Variants in ERCC1 observed in about 807,000 individuals in gnomAD.
ERCC1 encodes DNA excision repair protein ERCC-1.
ERCC1 carries 36 observed loss-of-function variants against 37.6 expected under a neutral mutation model. That is an observed-to-expected ratio of 0.96 (90% confidence interval 0.73 to 1.26). ERCC1 has a LOEUF of 1.26. ERCC1 is among the 50% of genes most tolerant of loss of function. The pLI, the probability that ERCC1 is intolerant of heterozygous loss-of-function variation, is 0.00. For missense variants in ERCC1, 349 were observed against 376.5 expected (o/e 0.93, Z 0.60); for synonymous variants, 156 against 162.1 (o/e 0.96, Z 0.28).
Position 45,408,052 on chromosome 19 carries a change from A to G in ERCC1, c.*1623T>C. ...CTAGGCAACAGAGCAAGACTCTCTC[A>G]AAAAAAAACAAAAAAAAAATCAAAA... is the stretch of plus-strand genomic sequence containing the variant. On this transcript the variant is annotated 3_prime_UTR_variant, in exon 10 of 10. Transcript: ENST00000300853. 7 of 1,365,458 alleles carry G rather than the reference A, an allele frequency of 5.1e-6. No homozygotes were observed. The highest frequency in any genetic ancestry group is 6.6e-6 in the Non-Finnish European group (7 of 1,060,274). 84.6% of individuals were successfully genotyped at this position (1,365,458 alleles called of 1,614,324 possible).
chr19:45,421,159 T>G lies in ERCC1; in HGVS notation c.321+19A>C. On this transcript the variant is annotated intron_variant, in intron 3 of 9. Coordinates refer to ENST00000300853, the MANE Select transcript of ERCC1 (RefSeq NM_001983.4). ...CCACTGAAAACCTCAAGGCCTCACTTCTCCGTCTCCCTCCTCACCTGCCGA... is the reference window on the plus strand; with the variant it reads ...CCACTGAAAACCTCAAGGCCTCACTGCTCCGTCTCCCTCCTCACCTGCCGA... The G allele has an allele frequency of 6.2e-7, 1 of 1,611,550 alleles. No homozygotes were observed. The highest frequency in any genetic ancestry group is 8.5e-7 in the Non-Finnish European group (1 of 1,178,066).
At chr19:45,409,823 A>G in intron 9 of ERCC1, 98 bp from the exon 10 acceptor site, 1 of 711,590 alleles carries the variant, frequency 1.4e-6, no homozygotes, top group South Asian at 1.5e-5. Context: ...TTTCCCCTAT[A>G]CCCTCAAGCA....
At position 45,421,340 on chromosome 19, in the gene ERCC1, G is replaced by C. The variant is rs757350398; in HGVS notation, c.159C>G (p.Ala53=). ...CGGCGTAGGTCTGAGGGGCCGCCTG[G>C]GCCGAGGTGTCCACAGTGGGAAGGC... ...TQSLPTVDTS[A]QAAPQTYAEY... The change falls in exon 3 of 10, where the codon GCC becomes GCG. Residue 53 remains alanine (A), a synonymous_variant. Coordinates refer to ENST00000300853, the MANE Select transcript of ERCC1 (RefSeq NM_001983.4). 3 of 1,614,038 alleles carry C rather than the reference G, an allele frequency of 1.9e-6. No homozygotes were observed. The Admixed American group carries it at 5.0e-5, about 27-fold the overall frequency.
At chr19:45,451,139 C>T (rs2123633109) in intron 1 of ERCC1, among the ~76,000 whole-genome samples, 1 of 152,132 alleles carries the variant, frequency 6.6e-6, no homozygotes, top group East Asian at 1.9e-4. Context: ...CAGCCGCCGT[C>T]TGTTGTCGCC....
chr19:45,450,532 G>A (rs1967082162), intron 1 of ERCC1: 1 of 152,402 alleles, frequency 6.6e-6, no homozygotes, highest in Non-Finnish European at 1.5e-5. Context: ...CACTTTGGGA[G>A]GCCTAGGCGG....
At position 45,431,677 on chromosome 19, in the gene ERCC1, C is replaced by CA. The variant is rs35153099; in HGVS notation, c.-7-8297dup. Among the ~76,000 whole-genome samples the CA allele has an allele frequency of 5.2e-3, 688 of 132,246 alleles. 8 individuals are homozygous for CA. The highest frequency in any genetic ancestry group is 0.013 in the African/African-American group (447 of 35,400). 86.8% of individuals were successfully genotyped at this position (132,246 alleles called of 152,430 possible). A position where few individuals can be genotyped will look rare whatever the true frequency, so the allele number is the denominator to read the frequency against. ...GAGCAACAAGAGTGAAACTCCATCT[C>CA]AAAAAAAAAAAAAACCAGCCTGGGC... On this transcript the variant is annotated intron_variant, in intron 1 of 8. Transcript: ENST00000423698.
At position 45,408,061 on chromosome 19, in the gene ERCC1, CA is replaced by C. The variant is rs11314106; in HGVS notation, c.*1613del. ...AGAGCAAGACTCTCTCAAAAAAAAA[CA>C]AAAAAAAAATCAAAAAACCTTCCCT... On this transcript the variant is annotated 3_prime_UTR_variant, in exon 10 of 10. Coordinates refer to ENST00000300853, the MANE Select transcript of ERCC1 (RefSeq NM_001983.4). The C allele has an allele frequency of 0.29, 402,314 of 1,398,026 alleles. 57,598 individuals carry two copies. Among genetic ancestry groups the C allele is most frequent in the African/African-American group, 0.61 (41,339 of 68,210 alleles). The allele number at this position is 1,398,026 out of a possible 1,614,324, so 86.6% of individuals were successfully genotyped here.
At chr19:45,451,416 C>T (rs1967118629) in intron 1 of ERCC1, among the ~76,000 whole-genome samples, 1 of 152,198 alleles carries the variant, frequency 6.6e-6, no homozygotes, top group African/African-American at 2.4e-5. Flanking sequence ...TCTGTTCACA[C>T]TCAAGCCACA....
intron 1 of ERCC1, among the ~76,000 whole-genome samples, chr19:45,441,644 G>C (rs939511192): frequency 6.6e-6 from 1 of 151,946 alleles, no homozygotes; most frequent in African/African-American, 2.4e-5. Flanking sequence ...CAAAGTGCCG[G>C]GATTACAGGC....
chr19:45,434,155 CAAAAAAAAAA>C (rs138387403), intron 1 of ERCC1, among the ~76,000 whole-genome samples: 13 of 97,480 alleles, frequency 1.3e-4, no homozygotes, highest in African/African-American at 4.9e-4. Context: ...CACACACACA[CAAAAAAAAAA>C]AAAAAAAAAA....
At chr19:45,413,354 C>A in intron 9 of ERCC1, 1 of 584,580 alleles carries the variant, frequency 1.7e-6, no homozygotes, top group Non-Finnish European at 3.0e-6. Context: ...GCAGCCTCAA[C>A]CTCCTGGGCT....
chr19:45,442,584 T>G (rs1975150071), intron 1 of ERCC1, among the ~76,000 whole-genome samples: 1 of 152,048 alleles, frequency 6.6e-6, no homozygotes, highest in African/African-American at 2.4e-5. Context: ...AAACTGAGGC[T>G]TGGAGAGGTG....
chr19:45,427,181 A>G (rs930155736), upstream of ERCC1, among the ~76,000 whole-genome samples: 2 of 152,112 alleles, frequency 1.3e-5, no homozygotes, highest in African/African-American at 4.8e-5. Flanking sequence ...GAAAGGAAAG[A>G]AAAAGGAAAT....
At chr19:45,415,486 A>G (rs1193807237) in intron 6 of ERCC1, among the ~76,000 whole-genome samples, 2 of 150,142 alleles carry the variant, frequency 1.3e-5, no homozygotes, top group African/African-American at 4.9e-5. Context: ...AATACAAAAA[A>G]TTAGCCGGGC....
upstream of ERCC1, among the ~76,000 whole-genome samples, chr19:45,427,922 G>A (rs933054826): frequency 4.4e-4 from 67 of 152,270 alleles, no homozygotes; most frequent in African/African-American, 1.6e-3. Context: ...TGCGGTAAAG[G>A]GCCCGCCGCC....
At chr19:45,449,189 A>C (rs1016845049) in intron 1 of ERCC1, 1 of 152,306 alleles carries the variant, frequency 6.6e-6, no homozygotes, top group Non-Finnish European at 1.5e-5. Flanking sequence ...TCACACAGCC[A>C]GGATTCAGCA....
In ERCC1 at chr19:45,420,250, G is replaced by C; in HGVS notation, c.425+74C>G. 3 of 980,148 alleles carry C rather than the reference G, an allele frequency of 3.1e-6. No individual in the cohort carries two copies. In the South Asian group the frequency reaches 4.1e-5, roughly 13 times the overall value. 60.7% of individuals were successfully genotyped at this position (980,148 alleles called of 1,614,324 possible). A position where few individuals can be genotyped will look rare whatever the true frequency, so the allele number is the denominator to read the frequency against. Reference sequence around the variant, plus strand: ...CAGAGGCTTCTCATAGAACAGTCCAGAACACTGGGACATGACCCTCCCAGG... The same window carrying C: ...CAGAGGCTTCTCATAGAACAGTCCACAACACTGGGACATGACCCTCCCAGG... On this transcript the variant is annotated intron_variant, in intron 4 of 9. Coordinates refer to ENST00000300853, the MANE Select transcript of ERCC1 (RefSeq NM_001983.4). The surrounding 1 kb of genome is among the most constrained non-coding windows in gnomAD (Gnocchi z 4.8).
In ERCC1 at chr19:45,442,412, C is replaced by T. The variant is rs73564974; in HGVS notation, c.-7-19031G>A. On this transcript the variant is annotated intron_variant, in intron 1 of 8. Transcript: ENST00000423698. ...CCCTCCCACTCTGATCCCCACTTCT[C>T]AATATTAACTATTTTTTATGTATCT... Among the ~76,000 whole-genome samples, 474 of 152,232 alleles carry T rather than the reference C, an allele frequency of 3.1e-3. 3 individuals are homozygous for T. The highest frequency in any genetic ancestry group is 0.011 in the African/African-American group (446 of 41,556).
intron 1 of ERCC1, among the ~76,000 whole-genome samples, chr19:45,447,569 C>T (rs956952815): frequency 2.6e-5 from 4 of 152,006 alleles, no homozygotes; most frequent in Admixed American, 6.6e-5. Context: ...ACCACTGTGC[C>T]GGGCGTCTAT....
Sources: gnomAD v4.1 joint callset for allele counts (sites outside exome capture counted in the v4.1 genomes callset) on GRCh38, gnomAD v4.1.1 for gene constraint, Gnocchi (gnomAD v3.1) non-coding constraint, MANE v1.5 for transcripts, NCBI Gene and HGNC (gene_info 2026-07-23, HGNC 2026-07-21) for gene names.